The following WDR20 variants were observed in gnomAD, a reference collection of about 807,000 sequenced individuals.
WDR20 encodes the protein WD repeat domain 20, also known as WD repeat-containing protein 20.
In WDR20, 3 loss-of-function variants were observed where a neutral mutation model predicts 38.7. The ratio of observed to expected loss-of-function variants is 0.08; its 90% confidence interval spans 0.04 to 0.20. The LOEUF is 0.20. WDR20 is among the 10% of genes least tolerant of loss of function. WDR20 has a pLI of 1.00. For missense variants in WDR20, 559 were observed against 727.7 expected (o/e 0.77, Z 2.67); for synonymous variants, 298 against 285.6 (o/e 1.04, Z -0.44).
chr14:102,156,333 C>A (rs2057375764), intron 1 of WDR20, among the ~76,000 whole-genome samples: 1 of 151,298 alleles, frequency 6.6e-6, no homozygotes. Flanking sequence ...ACGTCCAGCT[C>A]ATTTTTTTGT....
At chr14:102,178,792 A>C (rs892038823) in intron 1 of WDR20, 2 of 152,014 alleles carry the variant, frequency 1.3e-5, no homozygotes, top group African/African-American at 4.8e-5. Context: ...ATCTCATCAC[A>C]GCTCCCATTT....
chr14:102,211,565 C>T (rs1597062203), downstream of WDR20, among the ~76,000 whole-genome samples: 1 of 152,214 alleles, frequency 6.6e-6, no homozygotes, highest in South Asian at 2.1e-4. The surrounding 1 kb of genome is among the most constrained non-coding windows in gnomAD (Gnocchi z 4.2). Context: ...CCTGGCTGTG[C>T]CTTTCACATC....
At chr14:102,212,452 A>T, downstream of WDR20, 1 of 1,512,062 alleles carries the variant, frequency 6.6e-7, no homozygotes, top group Non-Finnish European at 8.9e-7. Flanking sequence ...AGGCTGGCCC[A>T]GGCCCTGCAG....
chr14:102,182,648 A>G (rs1444914766), intron 1 of WDR20, among the ~76,000 whole-genome samples: 1 of 152,080 alleles, frequency 6.6e-6, no homozygotes, highest in East Asian at 1.9e-4. Flanking sequence ...TTAAACTACT[A>G]GAATAATTTT....
intron 1 of WDR20, among the ~76,000 whole-genome samples, chr14:102,187,801 G>A (rs924111370): frequency 6.6e-6 from 1 of 152,168 alleles, no homozygotes; most frequent in Admixed American, 6.5e-5. Context: ...CTTTGGGCAG[G>A]GGTGCCAGGC....
At position 102,139,920 on chromosome 14, in the gene WDR20, C is replaced by G. The variant is rs962232848; in HGVS notation, c.-4C>G. 2 of 1,611,832 alleles carry G rather than the reference C, an allele frequency of 1.2e-6. No homozygotes were observed. The highest frequency in any genetic ancestry group is 1.7e-6 in the Non-Finnish European group (2 of 1,178,128). ...TTAGGGCAGGATGAACGCTGCTTTC[C>G]AAGATGGCGACGGAGGGAGGAGGGA... On this transcript the variant is annotated 5_prime_UTR_variant, in exon 1 of 3. Transcript: ENST00000342702.
At chr14:102,149,690 T>A (rs1158566085) in intron 1 of WDR20, among the ~76,000 whole-genome samples, 1 of 152,224 alleles carries the variant, frequency 6.6e-6, no homozygotes, top group African/African-American at 2.4e-5. Context: ...TCATCAATTC[T>A]ATTTTATTTA....
chr14:102,164,427 A>T (rs555682053), intron 1 of WDR20, among the ~76,000 whole-genome samples: 1 of 151,830 alleles, frequency 6.6e-6, no homozygotes. Context: ...CACCTCTGGC[A>T]CTCTCTCCCA....
At chr14:102,201,699 A>G (rs569083457) in intron 2 of WDR20, among the ~76,000 whole-genome samples, 1 of 152,344 alleles carries the variant, frequency 6.6e-6, no homozygotes, top group East Asian at 1.9e-4. Flanking sequence ...TGACGTACAT[A>G]GAAATGTGTC....
At chr14:102,192,966 C>G (rs1250415648) in intron 1 of WDR20, among the ~76,000 whole-genome samples, 1 of 150,862 alleles carries the variant, frequency 6.6e-6, no homozygotes, top group African/African-American at 2.5e-5. Flanking sequence ...CACCACCACA[C>G]CTAGCTGATT....
chr14:102,214,116 G>A (rs1372023149), downstream of WDR20: 10 of 985,478 alleles, frequency 1.0e-5, no homozygotes, highest in Middle Eastern at 5.2e-4. Flanking sequence ...CTGAGGTTTC[G>A]TTCCTTAGCA....
intron 1 of WDR20, among the ~76,000 whole-genome samples, chr14:102,180,411 A>T (rs2063147191): frequency 6.6e-6 from 1 of 152,184 alleles, no homozygotes; most frequent in South Asian, 2.1e-4. Context: ...AGTGTCTTGC[A>T]CGTTTTCAAC....
chr14:102,164,229 C>T (rs560674732), intron 1 of WDR20, among the ~76,000 whole-genome samples: 1 of 152,186 alleles, frequency 6.6e-6, no homozygotes, highest in Non-Finnish European at 1.5e-5. Context: ...CTCTCTTCCT[C>T]ATGGCCATAT....
In WDR20 at chr14:102,208,703, A is replaced by C; in HGVS notation, c.533A>C (p.Asn178Thr). 1 of 1,614,212 alleles carries C rather than the reference A, an allele frequency of 6.2e-7. No individual in the cohort carries two copies. The highest frequency in any genetic ancestry group is 8.5e-7 in the Non-Finnish European group (1 of 1,180,042). The change falls in exon 3 of 3, where the codon AAT becomes ACT. Residue 178 changes from asparagine (N) to threonine (T), a missense_variant. By Grantham distance (65) the Asn-to-Thr change is moderately conservative. Transcript: ENST00000342702. This position sits in a 1 kb window ranked among gnomAD's most constrained non-coding sequence, Gnocchi z 5.6. ...AHSSGNMYLY[N>T]VEHTCGTTAP... Reference sequence around the variant, plus strand: ...TCGAGTGGGAACATGTACTTATATAATGTGGAGCACACTTGTGGCACCACA... The same window carrying C: ...TCGAGTGGGAACATGTACTTATATACTGTGGAGCACACTTGTGGCACCACA...
At chr14:102,197,665 G>T in intron 2 of WDR20, 1 of 598,726 alleles carries the variant, frequency 1.7e-6, no homozygotes, top group Non-Finnish European at 3.0e-6. Flanking sequence ...TTCATGTCAC[G>T]TGAAGCAATT....
chr14:102,222,519 G>C lies in WDR20; in HGVS notation c.1693-311G>C, dbSNP rs1310648530. ...GCACCTGCACCTTTGGGTCAGCAAAGCTCCAAAGAACCTGTTCTCAGGTGC... is the reference window on the plus strand; with the variant it reads ...GCACCTGCACCTTTGGGTCAGCAAACCTCCAAAGAACCTGTTCTCAGGTGC... On this transcript the variant is annotated intron_variant, in intron 3 of 3. Coordinates refer to the WDR20 transcript ENST00000335263. This position sits in a 1 kb window ranked among gnomAD's most constrained non-coding sequence, Gnocchi z 4.4. Among the ~76,000 whole-genome samples the C allele has an allele frequency of 6.6e-6, 1 of 152,198 alleles. No homozygotes were observed. The highest frequency in any genetic ancestry group is 1.9e-4 in the East Asian group (1 of 5,186).
At chr14:102,177,152 C>A (rs1596336861) in intron 1 of WDR20, among the ~76,000 whole-genome samples, 1 of 152,246 alleles carries the variant, frequency 6.6e-6, no homozygotes, top group Admixed American at 6.5e-5. Context: ...CAAAATCTCT[C>A]TATCATCATT....
downstream of WDR20, among the ~76,000 whole-genome samples, chr14:102,218,532 G>A (rs758206742): frequency 3.3e-5 from 5 of 152,232 alleles, no homozygotes; most frequent in Non-Finnish European, 7.3e-5. Context: ...CTGCTTTATT[G>A]TAAATTGTTT....
At chr14:102,200,467 T>TTTTTTGTGTGTGTG (rs748066838) in intron 2 of WDR20, among the ~76,000 whole-genome samples, 26 of 117,772 alleles carry the variant, frequency 2.2e-4, no homozygotes, top group African/African-American at 8.1e-4. Context: ...ATTTTTTTTT[T>TTTTTTGTGTGTGTG]TGTGTGTGTG....
Sources: gnomAD v4.1 joint callset for allele counts (sites outside exome capture counted in the v4.1 genomes callset) on GRCh38, gnomAD v4.1.1 for gene constraint, Gnocchi (gnomAD v3.1) non-coding constraint, MANE v1.5 for transcripts, NCBI Gene and HGNC (gene_info 2026-07-23, HGNC 2026-07-21) for gene names.